Variants in SBK1 observed in about 807,000 individuals in gnomAD.
The protein encoded by SBK1 is serine/threonine-protein kinase SBK1.
In SBK1, 11 loss-of-function variants were observed where a neutral mutation model predicts 24.4. That is an observed-to-expected ratio of 0.45 (90% CI 0.28 to 0.75). The LOEUF (loss-of-function observed/expected upper bound fraction) is 0.75. SBK1 is among the 30% of genes least tolerant of loss of function. SBK1 has a pLI of 0.12. For missense variants in SBK1, 467 were observed against 620.5 expected, an observed-to-expected ratio of 0.75 and a Z score of 2.63; for synonymous variants, 308 against 284.4, an observed-to-expected ratio of 1.08 and a Z score of -0.83.
At chr16:28,287,106 TA>T (rs923961515) in intron 1 of SBK1, 1 of 142,052 alleles carries the variant, frequency 7.0e-6, no homozygotes, top group African/African-American at 2.6e-5. Flanking sequence ...AAGAAATAAA[TA>T]AATAAATAAA....
At chr16:28,296,921 T>C (rs2044644851) in intron 1 of SBK1, among the ~76,000 whole-genome samples, 1 of 152,250 alleles carries the variant, frequency 6.6e-6, no homozygotes, top group South Asian at 2.1e-4. Context: ...ACAGAAGAAC[T>C]GGATGAAAGC....
At chr16:28,260,262 G>C (rs1464297770) in intron 1 of SBK1, among the ~76,000 whole-genome samples, 1 of 152,148 alleles carries the variant, frequency 6.6e-6, no homozygotes, top group East Asian at 1.9e-4. Flanking sequence ...CTGGGGCCCA[G>C]TGGGAGTTCA....
chr16:28,307,868 C>T (rs1411158911), intron 1 of SBK1, among the ~76,000 whole-genome samples: 1 of 152,138 alleles, frequency 6.6e-6, no homozygotes, highest in Non-Finnish European at 1.5e-5. Context: ...GCGACGGTAG[C>T]ACCCACCTCC....
chr16:28,281,578 G>A (rs1401733185), intron 1 of SBK1, among the ~76,000 whole-genome samples: 1 of 152,154 alleles, frequency 6.6e-6, no homozygotes, highest in Non-Finnish European at 1.5e-5. Context: ...TGGGTGGCAG[G>A]GTGGTTAGGG....
intron 1 of SBK1, among the ~76,000 whole-genome samples, chr16:28,315,043 C>T (rs777165154): frequency 1.6e-4 from 25 of 152,122 alleles, no homozygotes; most frequent in Admixed American, 3.3e-4. Context: ...CACCCGGAAG[C>T]AGTGCTCAGG....
At chr16:28,318,872 G>A (rs998011512) in intron 2 of SBK1, 123 bp from the exon 3 acceptor site, 1 of 765,396 alleles carries the variant, frequency 1.3e-6, no homozygotes, top group Admixed American at 1.9e-5. Flanking sequence ...CCATCCGTGA[G>A]ATGAGGACAG....
At chr16:28,295,548 G>A (rs1005218059) in intron 1 of SBK1, among the ~76,000 whole-genome samples, 1 of 152,142 alleles carries the variant, frequency 6.6e-6, no homozygotes, top group Non-Finnish European at 1.5e-5. Flanking sequence ...CTCAGCTCCA[G>A]GAGACGGGAA....
At chr16:28,307,582 A>G (rs2044725982) in intron 1 of SBK1, among the ~76,000 whole-genome samples, 2 of 152,006 alleles carry the variant, frequency 1.3e-5, no homozygotes, top group Admixed American at 6.6e-5. Context: ...TCTACTAAAA[A>G]TACAAAAATT....
At chr16:28,316,116 C>T (rs1401840556) in intron 1 of SBK1, among the ~76,000 whole-genome samples, 1 of 152,030 alleles carries the variant, frequency 6.6e-6, no homozygotes, top group Non-Finnish European at 1.5e-5. Flanking sequence ...GTTCATTAGT[C>T]GGGTGGTGAG....
intron 1 of SBK1, among the ~76,000 whole-genome samples, chr16:28,295,210 C>G (rs2044630095): frequency 6.6e-6 from 1 of 152,192 alleles, no homozygotes. Context: ...CTCCCCTCCT[C>G]ACTAACCTGC....
At chr16:28,272,177 C>T (rs954334757) in intron 1 of SBK1, among the ~76,000 whole-genome samples, 19 of 152,178 alleles carry the variant, frequency 1.2e-4, no homozygotes, top group African/African-American at 4.1e-4. Context: ...TCAAGCAATC[C>T]TCCATCCTCA....
intron 1 of SBK1, among the ~76,000 whole-genome samples, chr16:28,306,329 C>T (rs1460936095): frequency 6.6e-6 from 1 of 152,214 alleles, no homozygotes; most frequent in Non-Finnish European, 1.5e-5. Flanking sequence ...TTTCCGATGA[C>T]TTTGAGTTCT....
intron 1 of SBK1, among the ~76,000 whole-genome samples, chr16:28,275,049 G>A (rs976518705): frequency 9.9e-5 from 15 of 152,188 alleles, no homozygotes; most frequent in African/African-American, 3.6e-4. Context: ...AAAAGGGGCC[G>A]GGCGTGGTGG....
At chr16:28,260,059 C>T (rs186193155) in intron 1 of SBK1, among the ~76,000 whole-genome samples, 6 of 149,696 alleles carry the variant, frequency 4.0e-5, no homozygotes, top group Admixed American at 2.0e-4. Flanking sequence ...AATTCATACA[C>T]GAAAATGCAT....
rs566751342 is a variant in SBK1, at chr16:28,323,640, A to C, written c.*2719A>C. 2.7e-4 allele frequency: 42 copies of C among 152,840 alleles called. No homozygotes were observed. The highest frequency in any genetic ancestry group is 5.3e-4 in the Non-Finnish European group (36 of 68,066). The allele number at this position is 152,840 out of a possible 1,614,324, so 9.5% of individuals were successfully genotyped here. ...CAGTGGGACAGTCCTGGTGGCTGAC[A>C]TCAGCGTCCATGCTTGGCTCAGGGC... On this transcript the variant is annotated 3_prime_UTR_variant, in exon 4 of 4. Coordinates refer to ENST00000341901, the MANE Select transcript of SBK1 (RefSeq NM_001024401.3).
At chr16:28,274,377 C>T (rs1028988055) in intron 1 of SBK1, among the ~76,000 whole-genome samples, 1 of 152,058 alleles carries the variant, frequency 6.6e-6, no homozygotes, top group Admixed American at 6.6e-5. Context: ...AGGCCAGGTG[C>T]GATGGCTCAC....
chr16:28,263,563 A>T (rs1222429271), intron 1 of SBK1, among the ~76,000 whole-genome samples: 1 of 152,172 alleles, frequency 6.6e-6, no homozygotes, highest in Non-Finnish European at 1.5e-5. Flanking sequence ...CAGTGACAAG[A>T]GGCAGGGCAG....
At chr16:28,313,081 G>A (rs1021539056) in intron 1 of SBK1, among the ~76,000 whole-genome samples, 1 of 152,200 alleles carries the variant, frequency 6.6e-6, no homozygotes, top group African/African-American at 2.4e-5. Context: ...GGCGAGCCAA[G>A]ATTGCACCAG....
intron 1 of SBK1, among the ~76,000 whole-genome samples, chr16:28,276,196 G>C (rs1366087840): frequency 6.6e-6 from 1 of 152,182 alleles, no homozygotes; most frequent in Non-Finnish European, 1.5e-5. Context: ...AGTCATCCCA[G>C]ACCTTGCTAC....
Sources: gnomAD v4.1 joint callset for allele counts (sites outside exome capture counted in the v4.1 genomes callset) on GRCh38, gnomAD v4.1.1 for gene constraint, MANE v1.5 for transcripts, NCBI Gene and HGNC (gene_info 2026-07-23, HGNC 2026-07-21) for gene names.